CNTNAP4: variants seen among roughly 807,000 people sequenced by gnomAD.
CNTNAP4 encodes contactin associated protein family member 4, also known as contactin-associated protein-like 4.
In CNTNAP4, 98 loss-of-function variants were observed where a neutral mutation model predicts 148.4. The observed-to-expected ratio is 0.66, with a 90% CI of 0.56 to 0.78. CNTNAP4 has a LOEUF of 0.78. Among genes scored for constraint, CNTNAP4 ranks in the 30% least tolerant of loss-of-function variants. CNTNAP4 has a pLI of 0.00. For missense variants in CNTNAP4, 1,935 were observed against 1,565.6 expected (o/e 1.24, Z -3.98); for synonymous variants, 730 against 565.1 (o/e 1.29, Z -4.14).
chr16:76,504,018 A>G (rs536830477), intron 15 of CNTNAP4, among the ~76,000 whole-genome samples: 31 of 152,188 alleles, frequency 2.0e-4, no homozygotes, highest in Middle Eastern at 6.8e-3. Flanking sequence ...TTTTTCCCAA[A>G]TTTATATATA....
intron 4 of CNTNAP4, among the ~76,000 whole-genome samples, chr16:76,447,338 G>GTATATATATATATATGAAATTATGTA (rs147278697): frequency 8.5e-6 from 1 of 117,390 alleles, no homozygotes; most frequent in Non-Finnish European, 1.9e-5. Flanking sequence ...ATGAAATTAT[G>GTATATATATATATATGAAATTATGTA]TATATATATA....
chr16:76,456,877 C>T (rs553927295), intron 8 of CNTNAP4, among the ~76,000 whole-genome samples: 30 of 152,202 alleles, frequency 2.0e-4, no homozygotes, highest in African/African-American at 5.5e-4. Flanking sequence ...GATGTGACCT[C>T]GGTAGTTTCT....
At chr16:76,308,310 A>G (rs911474398) in intron 1 of CNTNAP4, among the ~76,000 whole-genome samples, 1 of 152,232 alleles carries the variant, frequency 6.6e-6, no homozygotes, top group African/African-American at 2.4e-5. Flanking sequence ...TTGAAATATC[A>G]TTTTAGGTAA....
At chr16:76,502,933 G>A (rs1325367068) in intron 15 of CNTNAP4, among the ~76,000 whole-genome samples, 5 of 152,084 alleles carry the variant, frequency 3.3e-5, no homozygotes, top group African/African-American at 2.4e-5. Context: ...GGGAAAGCAG[G>A]ACAAATAAAA....
chr16:76,401,556 G>A (rs955777993), intron 3 of CNTNAP4, among the ~76,000 whole-genome samples: 1 of 152,068 alleles, frequency 6.6e-6, no homozygotes, highest in African/African-American at 2.4e-5. Flanking sequence ...TTGCCTGATT[G>A]CTCTGGCAGA....
intron 1 of CNTNAP4, among the ~76,000 whole-genome samples, chr16:76,291,210 A>G (rs1959101390): frequency 6.6e-6 from 1 of 152,056 alleles, no homozygotes; most frequent in African/African-American, 2.4e-5. Flanking sequence ...TTTTTTCAGT[A>G]TTGGGAAACA....
intron 8 of CNTNAP4, 148 bp downstream of exon 8, chr16:76,452,917 G>T: frequency 1.3e-6 from 1 of 742,616 alleles, no homozygotes; most frequent in Non-Finnish European, 2.0e-6. Flanking sequence ...CTTCCTTAGA[G>T]GAACTTGATT....
intron 3 of CNTNAP4, among the ~76,000 whole-genome samples, chr16:76,357,377 C>A (rs1177735004): frequency 6.6e-6 from 1 of 152,104 alleles, no homozygotes; most frequent in Non-Finnish European, 1.5e-5. Flanking sequence ...TTGGGGAAAG[C>A]CAAACCCAGG....
At chr16:76,468,485 A>T (rs1327905219) in intron 10 of CNTNAP4, among the ~76,000 whole-genome samples, 1 of 151,998 alleles carries the variant, frequency 6.6e-6, no homozygotes, top group Non-Finnish European at 1.5e-5. Context: ...AAATAAATAA[A>T]TAAATAAATA....
chr16:76,314,486 C>A lies in CNTNAP4; in HGVS notation c.86-1927C>A, dbSNP rs537221502. On this transcript the variant is annotated intron_variant, in intron 1 of 23. Coordinates refer to ENST00000611870, the MANE Select transcript of CNTNAP4 (RefSeq NM_033401.5). ...ACATATGTATAGGATTAGAAAAGAT[C>A]ATGGGGAGATGAGCTCTGCTACAAG... Among the ~76,000 whole-genome samples the A allele has an allele frequency of 3.3e-5, 5 of 152,246 alleles. No homozygotes were observed. The South Asian group carries it at 8.3e-4, about 25-fold the overall frequency.
intron 17 of CNTNAP4, among the ~76,000 whole-genome samples, chr16:76,529,094 C>T (rs1322282585): frequency 6.6e-6 from 1 of 152,218 alleles, no homozygotes; most frequent in African/African-American, 2.4e-5. Context: ...AACATCTCCT[C>T]CTCTCCTCCA....
At chr16:76,282,475 C>G (rs1363618981) in intron 1 of CNTNAP4, among the ~76,000 whole-genome samples, 1 of 151,736 alleles carries the variant, frequency 6.6e-6, no homozygotes, top group Non-Finnish European at 1.5e-5. Flanking sequence ...TAAAATATTC[C>G]ACTCTATCTT....
At chr16:76,537,209 G>A (rs1286411341) in intron 18 of CNTNAP4, among the ~76,000 whole-genome samples, 2 of 151,634 alleles carry the variant, frequency 1.3e-5, no homozygotes, top group Non-Finnish European at 1.5e-5. Context: ...ATGTTACTCT[G>A]TATGCACATA....
At chr16:76,325,720 A>G (rs1036769321) in intron 2 of CNTNAP4, among the ~76,000 whole-genome samples, 9 of 152,168 alleles carry the variant, frequency 5.9e-5, no homozygotes, top group African/African-American at 1.7e-4. Flanking sequence ...CCAAAAAACT[A>G]CAAAAAGAAC....
At position 76,330,295 on chromosome 16, in the gene CNTNAP4, T is replaced by A. The variant is rs544806954; in HGVS notation, c.196+13772T>A. ...TTCTGTGTATTCATGGCCTGTAATC[T>A]CTGTCTCTTAAACTCCTTTTATATT... On this transcript the variant is annotated intron_variant, in intron 2 of 23. Transcript: ENST00000611870. Among the ~76,000 whole-genome samples, 4 of 152,346 alleles carry A rather than the reference T, an allele frequency of 2.6e-5. No homozygotes were observed. The East Asian group carries it at 7.7e-4, about 29-fold the overall frequency.
At chr16:76,515,926 T>C (rs1008521980) in intron 15 of CNTNAP4, among the ~76,000 whole-genome samples, 2 of 151,834 alleles carry the variant, frequency 1.3e-5, no homozygotes, top group Non-Finnish European at 2.9e-5. Context: ...AGTTTCTTTT[T>C]GTTAATTTTC....
chr16:76,459,325 A>G (rs13332809), intron 8 of CNTNAP4, among the ~76,000 whole-genome samples: 64,970 of 152,072 alleles, frequency 0.43, 13,960 homozygotes, highest in Middle Eastern at 0.49. Context: ...TCAGCTGTCT[A>G]TTTCAGAGTC....
intron 4 of CNTNAP4, among the ~76,000 whole-genome samples, chr16:76,431,403 G>A (rs188248252): frequency 2.0e-5 from 3 of 152,220 alleles, no homozygotes; most frequent in East Asian, 3.9e-4. Flanking sequence ...GGAAGGGCAA[G>A]GCGCGGTGGC....
intron 3 of CNTNAP4, among the ~76,000 whole-genome samples, chr16:76,404,023 A>G (rs1040133324): frequency 2.0e-5 from 3 of 152,138 alleles, no homozygotes; most frequent in Admixed American, 6.5e-5. Flanking sequence ...GAAAGGAACA[A>G]CGGACACTGG....
Sources: gnomAD v4.1 joint callset for allele counts (sites outside exome capture counted in the v4.1 genomes callset) on GRCh38, gnomAD v4.1.1 for gene constraint, MANE v1.5 for transcripts, NCBI Gene and HGNC (gene_info 2026-07-23, HGNC 2026-07-21) for gene names.